Variants in MAP2K3 observed in about 807,000 individuals in gnomAD.
The protein encoded by MAP2K3 is dual specificity mitogen-activated protein kinase kinase 3.
In MAP2K3, 30 loss-of-function variants were observed where a neutral mutation model predicts 46.4. That is an observed-to-expected ratio of 0.65 (90% CI 0.48 to 0.88). The LOEUF (loss-of-function observed/expected upper bound fraction) is 0.88. MAP2K3 is among the 40% of genes least tolerant of loss of function. MAP2K3 has a pLI of 0.00. For synonymous variants in MAP2K3, 189 were observed against 176.3 expected (o/e 1.07, Z -0.57); for missense variants, 380 against 464.5 (o/e 0.82, Z 1.67).
At position 21,297,956 on chromosome 17, in the gene MAP2K3, C is replaced by A. The variant is rs1054929234; in HGVS notation, c.50-457C>A. Among the ~76,000 whole-genome samples, 5 of 152,300 alleles carry A rather than the reference C, an allele frequency of 3.3e-5. No individual in the cohort carries two copies. In the South Asian group the frequency reaches 1.0e-3, roughly 31 times the overall value. On this transcript the variant is annotated intron_variant, in intron 1 of 11. Transcript: ENST00000342679. ...CCTGTTGCCCTTTCTGGGGGCCTGGCCTTCCTCATCTTGGATGCAGTATGA... is the reference window on the plus strand; with the variant it reads ...CCTGTTGCCCTTTCTGGGGGCCTGGACTTCCTCATCTTGGATGCAGTATGA...
chr17:21,298,471 C>T lies in MAP2K3; in HGVS notation c.108C>T (p.Pro36=), dbSNP rs1285092015. The change falls in exon 2 of 12, where the codon CCC becomes CCT. Residue 36 remains proline, a synonymous_variant. Coordinates refer to ENST00000342679, the MANE Select transcript of MAP2K3 (RefSeq NM_145109.3). ...CCTGCATGTCCAAGCCACCCGCACCCAACCCCACGTGAGTCTGCCTCAGTT... is the reference window on the plus strand; with the variant it reads ...CCTGCATGTCCAAGCCACCCGCACCTAACCCCACGTGAGTCTGCCTCAGTT... ...RISCMSKPPA[P]NPTPPRNLDS... is the part of the protein sequence containing the mutation. 2 of 1,614,202 alleles carry T rather than the reference C, an allele frequency of 1.2e-6. No homozygotes were observed. Among genetic ancestry groups the T allele is most frequent in the Non-Finnish European group, 1.7e-6 (2 of 1,180,066 alleles).
intron 1 of MAP2K3, among the ~76,000 whole-genome samples, chr17:21,290,079 G>T (rs370792356): frequency 6.6e-6 from 1 of 152,226 alleles, no homozygotes; most frequent in Non-Finnish European, 1.5e-5. Context: ...GGCTTCCAAG[G>T]CCCGTCCCAA....
intron 1 of MAP2K3, among the ~76,000 whole-genome samples, chr17:21,297,233 G>A (rs1205099141): frequency 6.6e-6 from 1 of 152,312 alleles, no homozygotes; most frequent in African/African-American, 2.4e-5. Context: ...GCCAAGGCTG[G>A]ATCTGAACCT....
At chr17:21,297,020 T>C (rs760076671) in intron 1 of MAP2K3, among the ~76,000 whole-genome samples, 875 of 152,052 alleles carry the variant, frequency 5.8e-3, no homozygotes, top group African/African-American at 0.02. Flanking sequence ...AGGTATCTGC[T>C]TGCCTGGCTC....
At position 21,288,088 on chromosome 17, in the gene MAP2K3, G is replaced by A. The variant is rs1350232846; in HGVS notation, c.49+3119G>A. On this transcript the variant is annotated intron_variant, in intron 1 of 11. Coordinates refer to ENST00000342679, the MANE Select transcript of MAP2K3 (RefSeq NM_145109.3). ...GAAGGCCGGGGCAGCGGAGGCTTCC[G>A]GCGGTGAGTCAGCGGGCACTGGGTG... 8 of 1,289,150 alleles carry A rather than the reference G, an allele frequency of 6.2e-6. No individual in the cohort carries two copies. In the African/African-American group the frequency reaches 7.6e-5, roughly 12 times the overall value. The allele number at this position is 1,289,150 out of a possible 1,614,324, so 79.9% of individuals were successfully genotyped here.
At chr17:21,285,302 A>G (rs1046978952) in intron 1 of MAP2K3, 2 of 985,020 alleles carry the variant, frequency 2.0e-6, no homozygotes, top group African/African-American at 3.5e-5. Flanking sequence ...GAACTCTCCC[A>G]GTCTTCTCCC....
At position 21,304,342 on chromosome 17, in the gene MAP2K3, G is replaced by A. The variant is rs1029859845; in HGVS notation, c.569-84G>A. 4 of 1,605,258 alleles carry A rather than the reference G, an allele frequency of 2.5e-6. No individual in the cohort carries two copies. In the African/African-American group the frequency reaches 4.0e-5, roughly 16 times the overall value. On this transcript the variant is annotated intron_variant, in intron 7 of 11. Transcript: ENST00000342679. ...GGCACAGGAGGGGTCTTGGGCGAGG[G>A]AGGGGGGCACAGCTATGCAGAGCAT... is the stretch of plus-strand genomic sequence containing the variant.
intron 9 of MAP2K3, among the ~76,000 whole-genome samples, chr17:21,310,879 G>A (rs1977128888): frequency 6.6e-6 from 1 of 152,250 alleles, no homozygotes; most frequent in South Asian, 2.1e-4. Context: ...AAAAAATAAA[G>A]GAGTACGAGG....
chr17:21,302,294 G>T, intron 6 of MAP2K3, 35 bp downstream of exon 6: 2 of 1,531,890 alleles, frequency 1.3e-6, no homozygotes, highest in South Asian at 1.1e-5. Flanking sequence ...GGGGGTCCTA[G>T]GTGCATAGGC....
chr17:21,285,967 C>T (rs894276788), intron 1 of MAP2K3, among the ~76,000 whole-genome samples: 2 of 151,740 alleles, frequency 1.3e-5, no homozygotes, highest in African/African-American at 4.8e-5. Flanking sequence ...CTGGGTTGTG[C>T]GAGAGATTTC....
chr17:21,291,950 C>T (rs1975962002), intron 1 of MAP2K3, among the ~76,000 whole-genome samples: 1 of 152,312 alleles, frequency 6.6e-6, no homozygotes, highest in Non-Finnish European at 1.5e-5. Context: ...GAGGCTTGCA[C>T]AGAGAGGGAG....
chr17:21,294,130 C>T (rs1976104815), intron 1 of MAP2K3, among the ~76,000 whole-genome samples: 1 of 152,312 alleles, frequency 6.6e-6, no homozygotes, highest in Non-Finnish European at 1.5e-5. Flanking sequence ...TTCCCCCGTG[C>T]CATGGAGCGC....
chr17:21,300,414 G>A lies in MAP2K3; in HGVS notation c.166-131G>A, dbSNP rs976660148. The A allele has an allele frequency of 1.1e-3, 997 of 881,706 alleles. No individual in the cohort carries two copies. In the African/African-American group the frequency reaches 0.015, roughly 13 times the overall value. 54.6% of individuals were successfully genotyped at this position (881,706 alleles called of 1,614,324 possible). ...TGCTGAGGGTCACACAGCAGGGAGCGGTGGATATGAGGTTTGAGCCCAGAT... is the reference window on the plus strand; with the variant it reads ...TGCTGAGGGTCACACAGCAGGGAGCAGTGGATATGAGGTTTGAGCCCAGAT... On this transcript the variant is annotated intron_variant, in intron 3 of 11. Transcript: ENST00000342679.
At chr17:21,310,941 G>A (rs6587138) in intron 9 of MAP2K3, among the ~76,000 whole-genome samples, 32,178 of 152,160 alleles carry the variant, frequency 0.21, 3,523 homozygotes, top group South Asian at 0.29. Context: ...ATGGCCGCTG[G>A]TCCTTCTCCT....
At chr17:21,300,395 G>A (rs1489394837) in intron 3 of MAP2K3, 150 bp from the exon 4 acceptor site, 2 of 770,202 alleles carry the variant, frequency 2.6e-6, no homozygotes, top group Non-Finnish European at 4.3e-6. Context: ...GACTTGCTGA[G>A]GGTCACACAG....
chr17:21,289,341 G>C (rs1294414558), intron 1 of MAP2K3, among the ~76,000 whole-genome samples: 1 of 152,142 alleles, frequency 6.6e-6, no homozygotes, highest in Non-Finnish European at 1.5e-5. Flanking sequence ...GGGAAGGTGG[G>C]GTGGGACTGG....
At chr17:21,299,320 C>T (rs1377779295) in intron 3 of MAP2K3, among the ~76,000 whole-genome samples, 1 of 152,308 alleles carries the variant, frequency 6.6e-6, no homozygotes, top group African/African-American at 2.4e-5. Context: ...CCAGAAGCCT[C>T]GGAAGGGCAC....
chr17:21,304,553 C>G lies in MAP2K3; in HGVS notation c.696C>G (p.Ala232=), dbSNP rs755790078. ...TMDAGCKPYM[A]PERINPELNQ... ...ATGCCGGCTGCAAGCCCTACATGGC[C>G]GTGAGTGGTCCCCAAGCCCCCCAGG... Residue 232 remains alanine (A), a splice_region_variant and synonymous_variant, in exon 8 of 12, where the codon GCC becomes GCG. Transcript: ENST00000342679. 4 of 1,614,274 alleles carry G rather than the reference C, an allele frequency of 2.5e-6. No homozygotes were observed. The South Asian group carries it at 3.3e-5, about 13-fold the overall frequency.
At chr17:21,303,614 C>A (rs796174876) in intron 7 of MAP2K3, among the ~76,000 whole-genome samples, 1,203 of 151,756 alleles carry the variant, frequency 7.9e-3, no homozygotes, top group African/African-American at 0.028. Flanking sequence ...TCCTTCCCTG[C>A]CATCCCCCAT....
Sources: gnomAD v4.1 joint callset for allele counts (sites outside exome capture counted in the v4.1 genomes callset) on GRCh38, gnomAD v4.1.1 for gene constraint, MANE v1.5 for transcripts, NCBI Gene and HGNC (gene_info 2026-07-23, HGNC 2026-07-21) for gene names.